The following LRCH1 variants were observed in gnomAD, a reference collection of about 807,000 sequenced individuals.
The protein encoded by LRCH1 is leucine rich repeats and calponin homology domain containing 1.
LRCH1 carries 23 observed loss-of-function variants against 94.9 expected under a neutral mutation model. The observed-to-expected ratio is 0.24, with a 90% CI of 0.17 to 0.34. The LOEUF (loss-of-function observed/expected upper bound fraction) is 0.34, where lower values mean the gene tolerates loss of function less well. Among genes scored for constraint, LRCH1 ranks in the 10% least tolerant of loss-of-function variants. LRCH1 has a pLI of 1.00. For missense variants in LRCH1, 790 were observed against 945.9 expected, an observed-to-expected ratio of 0.84 and a Z score of 2.16; for synonymous variants, 364 against 354.9, an observed-to-expected ratio of 1.03 and a Z score of -0.29.
intron 1 of LRCH1, among the ~76,000 whole-genome samples, chr13:46,608,323 A>G (rs2050710703): frequency 6.6e-6 from 1 of 152,234 alleles, no homozygotes; most frequent in Admixed American, 6.5e-5. Flanking sequence ...TTGGAATTAA[A>G]GAGAGACATA....
chr13:46,740,911 C>A (rs565684342), intron 19 of LRCH1, among the ~76,000 whole-genome samples: 10 of 152,044 alleles, frequency 6.6e-5, no homozygotes, highest in East Asian at 1.9e-4. Flanking sequence ...AGGTCTACCC[C>A]CCCTGCCCCA....
chr13:46,714,446 A>G (rs1872222996), intron 15 of LRCH1, among the ~76,000 whole-genome samples: 1 of 152,202 alleles, frequency 6.6e-6, no homozygotes, highest in Non-Finnish European at 1.5e-5. Context: ...TATAGTTTTA[A>G]AAGAAACCAC....
chr13:46,699,131 T>C (rs1871338590), intron 9 of LRCH1, among the ~76,000 whole-genome samples: 1 of 152,248 alleles, frequency 6.6e-6, no homozygotes, highest in Non-Finnish European at 1.5e-5. Context: ...TGCATGAGAA[T>C]TTCCCCCTTT....
Position 46,701,107 on chromosome 13 carries a change from G to T in LRCH1, c.1314-14G>T, listed in dbSNP as rs762348903. On this transcript the variant is annotated splice_polypyrimidine_tract_variant and intron_variant, in intron 10 of 19. Transcript: ENST00000389797. ...TTGATCGTTTTCATTCTTATGCTTG[G>T]TTTCACGTTACAGAATAAGTTCATC... 6.4e-7 allele frequency: 1 copy of T among 1,559,024 alleles called. No homozygotes were observed. The highest frequency in any genetic ancestry group is 8.8e-7 in the Non-Finnish European group (1 of 1,132,758).
At chr13:46,557,775 G>GGAGGTTGCAGTGAGCT (rs531443378) in intron 1 of LRCH1, among the ~76,000 whole-genome samples, 1 of 152,118 alleles carries the variant, frequency 6.6e-6, no homozygotes, top group Non-Finnish European at 1.5e-5. Flanking sequence ...CCCAGGAGGC[G>GGAGGTTGCAGTGAGCT]GAGGTTGCAG....
chr13:46,688,007 A>C (rs1566227054), intron 6 of LRCH1, 28 bp downstream of exon 6: 15 of 1,588,208 alleles, frequency 9.4e-6, no homozygotes, highest in Non-Finnish European at 1.3e-5. Flanking sequence ...TCAAAGCCCC[A>C]GTTTAAAATT....
intron 15 of LRCH1, among the ~76,000 whole-genome samples, chr13:46,714,041 A>T (rs150633124): frequency 1.1e-3 from 172 of 152,356 alleles, no homozygotes; most frequent in Non-Finnish European, 1.9e-3. Flanking sequence ...CTTTTTATAG[A>T]GTCCAAACTC....
chr13:46,636,717 G>T (rs2051095497), intron 1 of LRCH1, among the ~76,000 whole-genome samples: 2 of 152,172 alleles, frequency 1.3e-5, no homozygotes, highest in South Asian at 4.1e-4. Flanking sequence ...CCCGGCAGCA[G>T]CTATAGGAAC....
At chr13:46,657,224 G>A (rs547908322) in intron 2 of LRCH1, among the ~76,000 whole-genome samples, 46 of 150,986 alleles carry the variant, frequency 3.0e-4, no homozygotes, top group African/African-American at 1.0e-3. Flanking sequence ...AGTTTATTCT[G>A]CCAGCCCCAA....
chr13:46,564,321 C>T (rs2050159604), intron 1 of LRCH1, among the ~76,000 whole-genome samples: 1 of 152,212 alleles, frequency 6.6e-6, no homozygotes, highest in Non-Finnish European at 1.5e-5. Context: ...CCACAAAGCC[C>T]TGTTTAACCC....
At chr13:46,676,730 A>T (rs980436482) in intron 3 of LRCH1, among the ~76,000 whole-genome samples, 6 of 152,190 alleles carry the variant, frequency 3.9e-5, no homozygotes, top group African/African-American at 1.2e-4. Context: ...TCTTACTGGA[A>T]TTATTCTGTA....
At chr13:46,558,572 C>CAAGAAAAAAAAAAAAAAAAAAA (rs2050093241) in intron 1 of LRCH1, among the ~76,000 whole-genome samples, 1 of 34,402 alleles carries the variant, frequency 2.9e-5, no homozygotes, top group Non-Finnish European at 5.9e-5. Flanking sequence ...CCTGTGTCTA[C>CAAGAAAAAAAAAAAAAAAAAAA]AAAAAAAAAA....
chr13:46,728,853 G>A lies in LRCH1; in HGVS notation c.1876G>A (p.Glu626Lys). The A allele has an allele frequency of 6.2e-7, 1 of 1,605,252 alleles. No homozygotes were observed. Among genetic ancestry groups the A allele is most frequent in the African/African-American group, 1.3e-5 (1 of 74,930 alleles). The change falls in exon 18 of 20, where the codon GAG (glutamate) becomes AAG (lysine). Residue 626 changes from glutamate to lysine, a missense_variant. By Grantham distance (56) the Glu-to-Lys change is moderately conservative. Transcript: ENST00000389797. ...CTTCTGATTTCCCCAACAGAGCATT[G>A]AGATGAGATTGAAGGTCAGTCTACA... is the stretch of plus-strand genomic sequence containing the variant. ...ELVEQLRESI[E>K]MRLKVSLHED...
chr13:46,583,824 A>T (rs2050400496), intron 1 of LRCH1, among the ~76,000 whole-genome samples: 1 of 150,866 alleles, frequency 6.6e-6, no homozygotes, highest in Admixed American at 6.6e-5. Flanking sequence ...GCAGTGGCGC[A>T]ATCTCCGCTC....
chr13:46,613,166 AG>A (rs2050765946), intron 1 of LRCH1, among the ~76,000 whole-genome samples: 1 of 152,090 alleles, frequency 6.6e-6, no homozygotes, highest in Non-Finnish European at 1.5e-5. Flanking sequence ...CCAAGGCAGG[AG>A]GATCACGAGG....
At chr13:46,693,357 C>G (rs9526218) in intron 8 of LRCH1, among the ~76,000 whole-genome samples, 116,983 of 151,492 alleles carry the variant, frequency 0.77, 45,295 homozygotes, top group East Asian at 0.92. Flanking sequence ...TTAACACAGG[C>G]CTTCCAAAAC....
intron 1 of LRCH1, among the ~76,000 whole-genome samples, chr13:46,579,682 C>T (rs770702603): frequency 2.0e-5 from 3 of 152,148 alleles, no homozygotes; most frequent in Non-Finnish European, 4.4e-5. Flanking sequence ...TTTGGCTTTT[C>T]ACCACCTTGT....
At chr13:46,559,273 G>A (rs927802182) in intron 1 of LRCH1, among the ~76,000 whole-genome samples, 10 of 151,960 alleles carry the variant, frequency 6.6e-5, no homozygotes, top group South Asian at 2.1e-4. Context: ...TTGAATTATC[G>A]TTCTGCTATT....
chr13:46,638,652 A>T (rs533975817), intron 1 of LRCH1, among the ~76,000 whole-genome samples: 1 of 152,334 alleles, frequency 6.6e-6, no homozygotes, highest in South Asian at 2.1e-4. Context: ...ATACATTTCC[A>T]TCCCAAATTA....
Sources: gnomAD v4.1 joint callset for allele counts (sites outside exome capture counted in the v4.1 genomes callset) on GRCh38, gnomAD v4.1.1 for gene constraint, MANE v1.5 for transcripts, NCBI Gene and HGNC (gene_info 2026-07-23, HGNC 2026-07-21) for gene names.